CNTNAP5: variants seen among roughly 807,000 people sequenced by gnomAD.
CNTNAP5 encodes the protein contactin-associated protein-like 5.
A neutral mutation model predicts 150.2 loss-of-function variants in CNTNAP5; 72 were observed. That is an observed-to-expected ratio of 0.48 (90% CI 0.40 to 0.58). The LOEUF (loss-of-function observed/expected upper bound fraction) is 0.58, where lower values mean the gene tolerates loss of function less well. Ranked by LOEUF, CNTNAP5 falls within the 20% of genes least tolerant of loss-of-function variation. CNTNAP5 has a pLI of 0.00. For synonymous variants in CNTNAP5, 672 were observed against 619.8 expected (o/e 1.08, Z -1.25); for missense variants, 1,636 against 1,626.2 (o/e 1.01, Z -0.10).
At chr2:124,579,474 C>G (rs887711396) in intron 11 of CNTNAP5, among the ~76,000 whole-genome samples, 1 of 152,182 alleles carries the variant, frequency 6.6e-6, no homozygotes, top group African/African-American at 2.4e-5. Flanking sequence ...AGGAGATTAA[C>G]GTAGAGACTG....
chr2:124,757,101 G>A (rs1168421971), intron 14 of CNTNAP5, among the ~76,000 whole-genome samples: 2 of 152,030 alleles, frequency 1.3e-5, no homozygotes, highest in African/African-American at 4.8e-5. Context: ...CCCAAAATAG[G>A]GCTGCTGTCT....
chr2:124,892,568 C>T (rs750003214), intron 21 of CNTNAP5, among the ~76,000 whole-genome samples: 4 of 152,064 alleles, frequency 2.6e-5, no homozygotes, highest in African/African-American at 7.2e-5. Context: ...GAGAAGGGAC[C>T]GTTCTCTTTA....
At chr2:124,324,291 G>T (rs1299251515) in intron 3 of CNTNAP5, among the ~76,000 whole-genome samples, 1 of 152,166 alleles carries the variant, frequency 6.6e-6, no homozygotes. Context: ...CCAGGACACA[G>T]ACACAGAAGG....
chr2:124,320,802 T>A (rs1469702637), intron 3 of CNTNAP5, among the ~76,000 whole-genome samples: 1 of 152,126 alleles, frequency 6.6e-6, no homozygotes, highest in African/African-American at 2.4e-5. Flanking sequence ...AGCCTGTGTG[T>A]GTGTGTGTGA....
intron 10 of CNTNAP5, 108 bp from the exon 11 acceptor site, chr2:124,563,109 T>G (rs535952064): frequency 1.5e-6 from 1 of 685,286 alleles, no homozygotes; most frequent in East Asian, 2.7e-5. Flanking sequence ...GTATAGCAAA[T>G]CAATATCTAC....
intron 3 of CNTNAP5, among the ~76,000 whole-genome samples, chr2:124,245,709 A>G (rs1194913646): frequency 6.6e-6 from 1 of 150,440 alleles, no homozygotes; most frequent in Non-Finnish European, 1.5e-5. Flanking sequence ...ACACAAATAT[A>G]TATTTATATA....
chr2:124,632,550 T>C (rs1270170333), intron 12 of CNTNAP5, among the ~76,000 whole-genome samples: 1 of 151,860 alleles, frequency 6.6e-6, no homozygotes, highest in African/African-American at 2.4e-5. Context: ...TTGGGGCCTG[T>C]TAGGGGAGGT....
At chr2:124,123,130 T>G (rs1683607540) in intron 1 of CNTNAP5, among the ~76,000 whole-genome samples, 1 of 151,544 alleles carries the variant, frequency 6.6e-6, no homozygotes, top group African/African-American at 2.4e-5. Context: ...GTGCAAGGGG[T>G]CGGGGAATTC....
intron 11 of CNTNAP5, among the ~76,000 whole-genome samples, chr2:124,577,705 C>A (rs1224720779): frequency 6.6e-6 from 1 of 152,014 alleles, no homozygotes; most frequent in African/African-American, 2.4e-5. Context: ...AAAATATAGG[C>A]ACCAAACAAG....
chr2:124,409,187 A>C (rs1691679316), intron 3 of CNTNAP5, among the ~76,000 whole-genome samples: 1 of 137,476 alleles, frequency 7.3e-6, no homozygotes, highest in Non-Finnish European at 1.6e-5. Context: ...AAAAAGAATA[A>C]AAAGAAATGA....
chr2:124,734,851 AAGAGAGGGGAT>A (rs1030553016), intron 13 of CNTNAP5, among the ~76,000 whole-genome samples: 2 of 152,128 alleles, frequency 1.3e-5, no homozygotes, highest in African/African-American at 4.8e-5. Context: ...TTCCTCATAA[AAGAGAGGGGAT>A]AGAGGCCTGA....
At chr2:124,493,728 A>T (rs1694084449) in intron 7 of CNTNAP5, among the ~76,000 whole-genome samples, 1 of 152,090 alleles carries the variant, frequency 6.6e-6, no homozygotes, top group South Asian at 2.1e-4. Context: ...TAAATTGAGA[A>T]GTTGACTTCT....
intron 19 of CNTNAP5, among the ~76,000 whole-genome samples, chr2:124,810,400 T>A (rs1348945120): frequency 6.6e-6 from 1 of 152,106 alleles, no homozygotes; most frequent in Non-Finnish European, 1.5e-5. Context: ...ATAGCGCTGC[T>A]TAAACAGCAT....
chr2:124,583,941 CATG>C (rs1309265498), intron 11 of CNTNAP5, among the ~76,000 whole-genome samples: 1 of 152,180 alleles, frequency 6.6e-6, no homozygotes, highest in Non-Finnish European at 1.5e-5. Context: ...CTGGCCCCAG[CATG>C]TCCTCATGGG....
chr2:124,315,188 T>C (rs1688933420), intron 3 of CNTNAP5, among the ~76,000 whole-genome samples: 1 of 152,158 alleles, frequency 6.6e-6, no homozygotes, highest in Non-Finnish European at 1.5e-5. Flanking sequence ...TCTGAACTCC[T>C]AGCCTCAAGT....
intron 1 of CNTNAP5, among the ~76,000 whole-genome samples, chr2:124,029,166 A>T (rs990168576): frequency 6.6e-6 from 1 of 152,120 alleles, no homozygotes; most frequent in African/African-American, 2.4e-5. Context: ...TAGCTCATTC[A>T]TCATATGTAG....
intron 17 of CNTNAP5, among the ~76,000 whole-genome samples, chr2:124,774,056 C>T (rs910960852): frequency 1.3e-5 from 2 of 151,386 alleles, no homozygotes; most frequent in Non-Finnish European, 2.9e-5. Flanking sequence ...AGTACAAAAT[C>T]GAGCTCTTAA....
At chr2:124,768,353 AAAAG>A (rs1161899128) in intron 16 of CNTNAP5, among the ~76,000 whole-genome samples, 1 of 151,496 alleles carries the variant, frequency 6.6e-6, no homozygotes, top group African/African-American at 2.4e-5. Context: ...AATATGAGAG[AAAAG>A]AAAGAGAGAA....
chr2:124,742,510 G>A (rs933524231), intron 13 of CNTNAP5, among the ~76,000 whole-genome samples: 1 of 151,972 alleles, frequency 6.6e-6, no homozygotes, highest in Non-Finnish European at 1.5e-5. Flanking sequence ...TATTATTATT[G>A]TGTGGCAGTG....
Sources: gnomAD v4.1 joint callset for allele counts (sites outside exome capture counted in the v4.1 genomes callset) on GRCh38, gnomAD v4.1.1 for gene constraint, MANE v1.5 for transcripts, NCBI Gene and HGNC (gene_info 2026-07-23, HGNC 2026-07-21) for gene names.